PCYOX1L: variants seen among roughly 807,000 people sequenced by gnomAD.
PCYOX1L encodes the protein prenylcysteine oxidase 1-like.
A neutral mutation model predicts 44.1 loss-of-function variants in PCYOX1L; 40 were observed. That is an observed-to-expected ratio of 0.91 (90% CI 0.70 to 1.18). The LOEUF (loss-of-function observed/expected upper bound fraction) is 1.18, where lower values mean the gene tolerates loss of function less well. Ranked by LOEUF, PCYOX1L falls within the 50% of genes most tolerant of loss-of-function variation. The probability of loss-of-function intolerance (pLI) is 0.00; values close to 1 mark genes in which losing one functional copy is unlikely to be tolerated. For synonymous variants in PCYOX1L, 266 were observed against 282.8 expected (o/e 0.94, Z 0.60); for missense variants, 605 against 653.3 (o/e 0.93, Z 0.81).
chr5:149,368,616 C>A lies in PCYOX1L; in HGVS notation c.1447C>A (p.Gln483Lys). 6.5e-7 allele frequency: 1 copy of A among 1,528,964 alleles called. No individual in the cohort carries two copies. Among genetic ancestry groups the A allele is most frequent in the South Asian group, 1.3e-5 (1 of 76,436 alleles). The allele number at this position is 1,528,964 out of a possible 1,614,324, so 94.7% of individuals were successfully genotyped here. The change falls in exon 6 of 6, where the codon CAA (glutamine) becomes AAA (lysine). Residue 483 changes from glutamine to lysine, a missense_variant. By Grantham distance (53) the Gln-to-Lys change is moderately conservative (BLOSUM62 1). Transcript: ENST00000274569. ...GTACCAGGACCTAGACAAGATTGAT[C>A]AAAAAGATTTGATGCACAAGGTCAA... Reference protein sequence around the residue: ...RWYQDLDKIDQKDLMHKVKTE... With the variant: ...RWYQDLDKIDKKDLMHKVKTE...
intron 1 of PCYOX1L, among the ~76,000 whole-genome samples, chr5:149,358,647 C>G (rs538221599): frequency 6.6e-6 from 1 of 152,204 alleles, no homozygotes; most frequent in Admixed American, 6.5e-5. Context: ...CTTTGCGGCC[C>G]TGGGAGGGCT....
chr5:149,365,696 C>T (rs1303296093), intron 3 of PCYOX1L: 1 of 560,804 alleles, frequency 1.8e-6, no homozygotes, highest in Non-Finnish European at 3.2e-6. Context: ...ACAGTTGTTA[C>T]TCAGCACAGC....
rs1208186900 is a variant in PCYOX1L at position 149,368,422 on chromosome 5, A to T, written c.1253A>T (p.Gln418Leu). 1.3e-5 allele frequency: 21 copies of T among 1,614,126 alleles called. No individual in the cohort carries two copies. The highest frequency in any genetic ancestry group is 1.8e-5 in the Non-Finnish European group (21 of 1,180,014). The change falls in exon 6 of 6, where the codon CAG (glutamine) becomes CTG (leucine). Residue 418 changes from glutamine (Q) to leucine (L), a missense_variant. Transcript: ENST00000274569. The part of the protein sequence containing the change: ...KTLFRSYYSV[Q>L]TAEWQAHPLY... Reference sequence around the variant, plus strand: ...CTGTTCCGTTCCTATTACTCAGTGCAGACAGCTGAGTGGCAGGCCCATCCC... The same window carrying T: ...CTGTTCCGTTCCTATTACTCAGTGCTGACAGCTGAGTGGCAGGCCCATCCC...
chr5:149,358,273 A>G, intron 1 of PCYOX1L, 117 bp downstream of exon 1: 1 of 1,260,718 alleles, frequency 7.9e-7, no homozygotes. Flanking sequence ...GTCCTCGGAA[A>G]AGGAGCTGGG....
chr5:149,365,563 C>A, intron 3 of PCYOX1L: 1 of 267,360 alleles, frequency 3.7e-6, no homozygotes, highest in Non-Finnish European at 7.3e-6. Context: ...GTCCTAGAAG[C>A]TGTGGCAGAA....
intron 1 of PCYOX1L, 123 bp downstream of exon 1, chr5:149,358,279 C>G: frequency 1.6e-6 from 2 of 1,254,574 alleles, no homozygotes; most frequent in Non-Finnish European, 2.0e-6. Flanking sequence ...GGAAAAGGAG[C>G]TGGGTGGAGG....
chr5:149,365,958 G>C lies in PCYOX1L; in HGVS notation c.487G>C (p.Ala163Pro). The C allele has an allele frequency of 6.2e-7, 1 of 1,614,204 alleles. No homozygotes were observed. Among genetic ancestry groups the C allele is most frequent in the African/African-American group, 1.3e-5 (1 of 75,060 alleles). The part of the protein sequence containing the change: ...EKFMRIYKYQ[A>P]HGYAFSGVEE... ...GTCTTCTAGGATCTATAAGTACCAG[G>C]CCCACGGCTATGCCTTCTCGGGTGT... Residue 163 changes from alanine to proline, a missense_variant, in exon 4 of 6, where the codon GCC becomes CCC. Physicochemically the swap from Ala to Pro is conservative, Grantham distance 27. Coordinates refer to ENST00000274569, the MANE Select transcript of PCYOX1L (RefSeq NM_024028.4).
intron 3 of PCYOX1L, chr5:149,365,712 T>C: frequency 1.7e-6 from 1 of 582,472 alleles, no homozygotes; most frequent in Admixed American, 3.0e-5. Flanking sequence ...ACAGCCGTGA[T>C]GTGAAGCCAG....
rs761344495 is a variant in PCYOX1L at position 149,366,144 on chromosome 5, G to A, written c.673G>A (p.Ala225Thr). Residue 225 changes from alanine (A) to threonine (T), a missense_variant, in exon 4 of 6, where the codon GCC becomes ACC. Coordinates refer to ENST00000274569, the MANE Select transcript of PCYOX1L (RefSeq NM_024028.4). ...CTATGGCCAGTCAGCAGCGATGCCC[G>A]CCTTTGCAGGTAAGCGTCCAACCCT... ...ASYGQSAAMP[A>T]FAGAMSLAGA... The A allele has an allele frequency of 3.3e-5, 53 of 1,611,316 alleles. No individual in the cohort carries two copies. The highest frequency in any genetic ancestry group is 4.4e-5 in the South Asian group (4 of 91,008).
At chr5:149,362,469 T>C in intron 1 of PCYOX1L, 168 bp from the exon 2 acceptor site, 1 of 665,016 alleles carries the variant, frequency 1.5e-6, no homozygotes, top group Non-Finnish European at 2.5e-6. Flanking sequence ...TGCTTATTAA[T>C]AGCTCTACTG....
chr5:149,365,360 A>C (rs1223609429), intron 3 of PCYOX1L: 1 of 152,942 alleles, frequency 6.5e-6, no homozygotes, highest in African/African-American at 2.4e-5. Context: ...AATGGGCAAC[A>C]TTTCAAAGGC....
chr5:149,358,210 G>A, intron 1 of PCYOX1L, 54 bp downstream of exon 1: 3 of 1,376,056 alleles, frequency 2.2e-6, no homozygotes, highest in Non-Finnish European at 2.8e-6. Context: ...CGGGTAAAGG[G>A]TTCTCAGTTC....
chr5:149,363,173 C>A, intron 2 of PCYOX1L: 1 of 448,322 alleles, frequency 2.2e-6, no homozygotes. Flanking sequence ...GGCATTACCT[C>A]AGCTCCCCTC....
rs188262669 is a variant in PCYOX1L at position 149,368,954 on chromosome 5, G to A, written c.*300G>A. 230 of 248,728 alleles carry A rather than the reference G, an allele frequency of 9.2e-4. 3 individuals carry two copies. The highest frequency in any genetic ancestry group is 4.9e-3 in the African/African-American group (220 of 44,984). The allele number at this position is 248,728 out of a possible 1,614,324, so 15.4% of individuals were successfully genotyped here. On this transcript the variant is annotated 3_prime_UTR_variant, in exon 6 of 6. Coordinates refer to ENST00000274569, the MANE Select transcript of PCYOX1L (RefSeq NM_024028.4). ...AAGGTGCTTCAGACTTGGTTTCTTA[G>A]CTAGAAACCAGAAGACTACGGGAGG...
At position 149,364,101 on chromosome 5, in the gene PCYOX1L, G is replaced by A; in HGVS notation, c.361G>A (p.Glu121Lys). ...AIFGGEHFML[E>K]ETDWYLLNLF... ...CTTCGGCGGGGAGCACTTCATGCTG[G>A]AGGAGACTGACTGGTACCTGCTGAA... The change falls in exon 3 of 6, where the codon GAG (glutamate) becomes AAG (lysine). Residue 121 changes from glutamate (E) to lysine (K), a missense_variant. By Grantham distance (56) the Glu-to-Lys change is moderately conservative. Coordinates refer to ENST00000274569, the MANE Select transcript of PCYOX1L (RefSeq NM_024028.4). 6.2e-7 allele frequency: 1 copy of A among 1,614,174 alleles called. No individual in the cohort carries two copies. Among genetic ancestry groups the A allele is most frequent in the Non-Finnish European group, 8.5e-7 (1 of 1,180,022 alleles).
Position 149,368,250 on chromosome 5 carries a change from A to G in PCYOX1L, c.1081A>G (p.Thr361Ala). The change falls in exon 6 of 6, where the codon ACC (threonine) becomes GCC (alanine). Residue 361 changes from threonine (T) to alanine (A), a missense_variant. Thr to Ala is a moderately conservative substitution (Grantham distance 58). Transcript: ENST00000274569. The part of the protein sequence containing the change: ...PKLFPFANIL[T>A]TDFPSFFCTL... ...GCTTTTCCCCTTTGCCAACATCCTT[A>G]CCACAGATTTCCCCAGCTTCTTCTG... 1.2e-6 allele frequency: 2 copies of G among 1,613,938 alleles called. No individual in the cohort carries two copies. Among genetic ancestry groups the G allele is most frequent in the Non-Finnish European group, 1.7e-6 (2 of 1,179,988 alleles).
At chr5:149,362,932 G>T in intron 2 of PCYOX1L, 89 bp downstream of exon 2, 1 of 1,405,520 alleles carries the variant, frequency 7.1e-7, no homozygotes, top group Non-Finnish European at 1.0e-6. Context: ...GACCATCAAG[G>T]CCAGAAGGTC....
rs1054285732 is a variant in PCYOX1L at position 149,368,144 on chromosome 5, G to A, written c.975G>A (p.Val325=). Residue 325 remains valine (V), a synonymous_variant, in exon 6 of 6, where the codon GTG becomes GTA. Coordinates refer to ENST00000274569, the MANE Select transcript of PCYOX1L (RefSeq NM_024028.4). The part of the protein sequence containing the change: ...FAGFHPPIDD[V]QGSFQPTVVS... ...GCTTCCACCCGCCCATTGATGACGT[G>A]CAGGGCTCTTTCCAGCCCACCGTCG... is the stretch of plus-strand genomic sequence containing the variant. 1.9e-6 allele frequency: 3 copies of A among 1,613,476 alleles called. No individual in the cohort carries two copies. The highest frequency in any genetic ancestry group is 2.5e-6 in the Non-Finnish European group (3 of 1,179,652).
At position 149,367,380 on chromosome 5, in the gene PCYOX1L, G is replaced by T; in HGVS notation, c.703G>T (p.Ala235Ser). ...AFAGAMSLAG[A>S]QGSLWSVEGG... ...CCCAGGAGCCATGTCACTAGCCGGG[G>T]CCCAAGGCAGCCTGTGGTCTGTGGA... The change falls in exon 5 of 6, where the codon GCC becomes TCC. Residue 235 changes from alanine (A) to serine (S), a missense_variant. Coordinates refer to ENST00000274569, the MANE Select transcript of PCYOX1L (RefSeq NM_024028.4). The T allele has an allele frequency of 6.2e-7, 1 of 1,611,748 alleles. No individual in the cohort carries two copies. The highest frequency in any genetic ancestry group is 2.2e-5 in the East Asian group (1 of 44,818).
Sources: gnomAD v4.1 joint callset for allele counts (sites outside exome capture counted in the v4.1 genomes callset) on GRCh38, gnomAD v4.1.1 for gene constraint, MANE v1.5 for transcripts, NCBI Gene and HGNC (gene_info 2026-07-23, HGNC 2026-07-21) for gene names.